Variants in WDR27 observed in about 807,000 individuals in gnomAD.
WDR27 encodes the protein WD repeat-containing protein 27.
In WDR27, 100 loss-of-function variants were observed where a neutral mutation model predicts 114.4. The observed-to-expected ratio is 0.87, with a 90% CI of 0.74 to 1.03. WDR27 has a LOEUF of 1.03. Among genes scored for constraint, WDR27 ranks in the 50% least tolerant of loss-of-function variants. The pLI is 0.00. For missense variants in WDR27, 1,129 were observed against 1,092.9 expected (o/e 1.03, Z -0.47); for synonymous variants, 449 against 423.1 (o/e 1.06, Z -0.75).
At chr6:169,506,447 A>G (rs1792006653) in intron 25 of WDR27, among the ~76,000 whole-genome samples, 1 of 152,204 alleles carries the variant, frequency 6.6e-6, no homozygotes, top group Non-Finnish European at 1.5e-5. Flanking sequence ...AAATGTCTGG[A>G]TTTATAATTT....
intron 25 of WDR27, among the ~76,000 whole-genome samples, chr6:169,531,358 C>A (rs530933427): frequency 6.6e-6 from 1 of 152,316 alleles, no homozygotes; most frequent in East Asian, 1.9e-4. Context: ...AAACCAAAGA[C>A]AATTATATCT....
chr6:169,657,078 A>C (rs936301018), intron 13 of WDR27, among the ~76,000 whole-genome samples: 1 of 152,122 alleles, frequency 6.6e-6, no homozygotes, highest in Non-Finnish European at 1.5e-5. Context: ...TCTTTCATGG[A>C]AACAGGGCGG....
At chr6:169,697,565 G>A (rs749018665) in intron 1 of WDR27, among the ~76,000 whole-genome samples, 4 of 152,182 alleles carry the variant, frequency 2.6e-5, no homozygotes, top group Non-Finnish European at 1.5e-5. Flanking sequence ...CAGTGGTCAC[G>A]CTCCTAGTCC....
At chr6:169,499,411 C>A (rs867557712) in intron 25 of WDR27, among the ~76,000 whole-genome samples, 23 of 152,220 alleles carry the variant, frequency 1.5e-4, no homozygotes, top group African/African-American at 5.5e-4. Context: ...GCCCCAGCAG[C>A]CTCACACAGT....
intron 18 of WDR27, 135 bp downstream of exon 18, chr6:169,638,404 C>A: frequency 2.0e-6 from 2 of 977,546 alleles, no homozygotes; most frequent in Non-Finnish European, 2.8e-6. Context: ...TAATCAGTAA[C>A]TTTTATTGCA....
At chr6:169,576,406 T>C (rs1306377839) in intron 24 of WDR27, among the ~76,000 whole-genome samples, 1 of 152,242 alleles carries the variant, frequency 6.6e-6, no homozygotes, top group Non-Finnish European at 1.5e-5. Flanking sequence ...GGAAAGCCTC[T>C]GGTATTCGGG....
chr6:169,624,143 CCGTGTGGGGCGTCAGGTGTGT>C (rs1814111187), intron 21 of WDR27, among the ~76,000 whole-genome samples: 1 of 149,574 alleles, frequency 6.7e-6, no homozygotes, highest in Admixed American at 6.7e-5. Context: ...GTCAGGTGTG[CCGTGTGGGGCGTCAGGTGTGT>C]GGCGTCAGGT....
downstream of WDR27, among the ~76,000 whole-genome samples, chr6:169,456,801 A>G (rs1784364803): frequency 6.6e-6 from 1 of 151,420 alleles, no homozygotes; most frequent in Non-Finnish European, 1.5e-5. This position sits in a 1 kb window ranked among gnomAD's most constrained non-coding sequence, Gnocchi z 4.0. Context: ...CACAGAACCC[A>G]TGTGCAGAGC....
Position 169,665,481 on chromosome 6 carries a change from C to T in WDR27, c.783+5G>A. 1.9e-6 allele frequency: 3 copies of T among 1,612,240 alleles called. No homozygotes were observed. The African/African-American group carries it at 4.0e-5, about 22-fold the overall frequency. ...AACTGGAACTTAACTCTGTGGCTGT[C>T]TCACCTGGCCGTCAGCACACCCGGT... is the stretch of plus-strand genomic sequence containing the variant. On this transcript the variant is annotated splice_donor_5th_base_variant and intron_variant, in intron 7 of 25. Coordinates refer to ENST00000448612, the MANE Select transcript of WDR27 (RefSeq NM_182552.5).
At chr6:169,592,514 C>T (rs979557487) in intron 23 of WDR27, among the ~76,000 whole-genome samples, 11 of 152,254 alleles carry the variant, frequency 7.2e-5, no homozygotes, top group African/African-American at 2.2e-4. Flanking sequence ...CTATAAAGAC[C>T]ATTGAATTCC....
chr6:169,520,721 G>A (rs1304567162), intron 25 of WDR27, among the ~76,000 whole-genome samples: 2 of 152,036 alleles, frequency 1.3e-5, no homozygotes, highest in East Asian at 1.9e-4. Flanking sequence ...TCTTGGAACT[G>A]AGAAATACAT....
intron 21 of WDR27, among the ~76,000 whole-genome samples, chr6:169,623,247 A>G (rs1813798631): frequency 6.6e-6 from 1 of 152,106 alleles, no homozygotes; most frequent in South Asian, 2.1e-4. Flanking sequence ...TTGACTCCTG[A>G]TGATTTCACC....
intron 6 of WDR27, chr6:169,666,476 G>A (rs935039664): frequency 5.4e-5 from 53 of 985,354 alleles, no homozygotes; most frequent in African/African-American, 1.9e-4. Context: ...AAGACAGAAC[G>A]TGCACAAGGG....
In WDR27 at chr6:169,659,175, C is replaced by T; in HGVS notation, c.1230G>A (p.Gly410=). The T allele has an allele frequency of 1.2e-6, 2 of 1,611,042 alleles. No individual in the cohort carries two copies. Among genetic ancestry groups the T allele is most frequent in the Non-Finnish European group, 8.5e-7 (1 of 1,178,532 alleles). The part of the protein sequence containing the change: ...VLCLLASLFG[G]KIAVLEINPA... ...GGTTGATCTCCAACACGGCAATCTT[C>T]CCGCCAAAGAGGGAGGCCAGCAAGC... The change falls in exon 12 of 26, where the codon GGG becomes GGA. Residue 410 remains glycine, a synonymous_variant. Transcript: ENST00000448612. The surrounding 1 kb of genome is among the most constrained non-coding windows in gnomAD (Gnocchi z 4.3).
At chr6:169,696,021 A>G (rs1229588317) in intron 1 of WDR27, among the ~76,000 whole-genome samples, 2 of 152,200 alleles carry the variant, frequency 1.3e-5, no homozygotes, top group African/African-American at 2.4e-5. Context: ...CCCTGATTTT[A>G]GCAGTTTGAG....
At chr6:169,668,667 T>C (rs546866696) in intron 4 of WDR27, 1 of 155,852 alleles carries the variant, frequency 6.4e-6, no homozygotes, top group Non-Finnish European at 1.4e-5. Flanking sequence ...AGGAATGGAG[T>C]AGTGAGAGCA....
intron 19 of WDR27, among the ~76,000 whole-genome samples, chr6:169,635,429 A>C (rs1217477154): frequency 6.6e-6 from 1 of 152,180 alleles, no homozygotes; most frequent in Non-Finnish European, 1.5e-5. Flanking sequence ...TCTGAAGACA[A>C]GGCTGAGGGA....
In WDR27 at chr6:169,651,994, T is replaced by G. The variant is rs1462378878; in HGVS notation, c.1417A>C (p.Met473Leu). 2 of 1,613,740 alleles carry G rather than the reference T, an allele frequency of 1.2e-6. No individual in the cohort carries two copies. The highest frequency in any genetic ancestry group is 1.7e-6 in the Non-Finnish European group (2 of 1,179,872). Residue 473 changes from methionine (M) to leucine (L), a missense_variant, in exon 14 of 26, where the codon ATG becomes CTG. Physicochemically the swap from Met to Leu is conservative, Grantham distance 15 (BLOSUM62 2). Coordinates refer to ENST00000448612, the MANE Select transcript of WDR27 (RefSeq NM_182552.5). ...TGGAAAACCAGGCGTTGGTCCTTCA[T>G]GACGTTCCGTGCAGCTGTGGAAAGG... Reference protein sequence around the residue: ...SEQRRAARNVMKDQRLVFHSK... With the variant: ...SEQRRAARNVLKDQRLVFHSK...
chr6:169,647,997 A>C, intron 15 of WDR27, 127 bp from the exon 16 acceptor site: 1 of 612,852 alleles, frequency 1.6e-6, no homozygotes. Flanking sequence ...GTAAACTTGA[A>C]TATTTATCTA....
Sources: allele counts gnomAD v4.1 joint callset (sites outside exome capture counted in the v4.1 genomes callset), GRCh38; gene constraint gnomAD v4.1.1; non-coding constraint Gnocchi (gnomAD v3.1); transcripts MANE v1.5; gene names NCBI Gene and HGNC (gene_info 2026-07-23, HGNC 2026-07-21).